CNTN4: variants seen among roughly 807,000 people sequenced by gnomAD.
CNTN4 encodes contactin 4.
A neutral mutation model predicts 122.5 loss-of-function variants in CNTN4; 77 were observed. That is an observed-to-expected ratio of 0.63 (90% confidence interval 0.52 to 0.76). The LOEUF is 0.76. CNTN4 is among the 30% of genes least tolerant of loss of function. The probability of loss-of-function intolerance (pLI) is 0.00; values close to 1 mark genes in which losing one functional copy is unlikely to be tolerated. For missense variants in CNTN4, 1,256 were observed against 1,259.1 expected, an observed-to-expected ratio of 1.00 and a Z score of 0.04; for synonymous variants, 512 against 447.0, an observed-to-expected ratio of 1.15 and a Z score of -1.83.
chr3:2,252,108 C>G (rs2040401516), intron 2 of CNTN4, among the ~76,000 whole-genome samples: 1 of 151,868 alleles, frequency 6.6e-6, no homozygotes, highest in Non-Finnish European at 1.5e-5. Flanking sequence ...CAGGATATTG[C>G]CAGATACGCA....
chr3:2,529,293 T>C (rs2077511665), intron 3 of CNTN4, among the ~76,000 whole-genome samples: 1 of 152,164 alleles, frequency 6.6e-6, no homozygotes. Context: ...ATTACTATTT[T>C]TTATGGCTGA....
intron 13 of CNTN4, among the ~76,000 whole-genome samples, chr3:2,972,812 C>G (rs2125114305): frequency 6.6e-6 from 1 of 150,856 alleles, no homozygotes; most frequent in South Asian, 2.1e-4. Flanking sequence ...TCCTTAAACC[C>G]CTCCCCTTCA....
At chr3:2,506,955 G>A (rs763476019) in intron 3 of CNTN4, among the ~76,000 whole-genome samples, 2 of 151,960 alleles carry the variant, frequency 1.3e-5, no homozygotes, top group African/African-American at 4.8e-5. Context: ...GCTCATGTTC[G>A]GTTTTGCATT....
chr3:2,460,681 G>C (rs925454889), intron 3 of CNTN4, among the ~76,000 whole-genome samples: 2 of 152,132 alleles, frequency 1.3e-5, no homozygotes, highest in African/African-American at 4.8e-5. Flanking sequence ...TGGCCTTTAA[G>C]GATTACAGTT....
intron 2 of CNTN4, among the ~76,000 whole-genome samples, chr3:2,153,145 G>T (rs538058630): frequency 9.8e-5 from 15 of 152,288 alleles, no homozygotes; most frequent in African/African-American, 3.1e-4. Flanking sequence ...TTGGATATAG[G>T]AGTCTGGAGT....
rs397988483 is a variant in CNTN4 at position 2,520,259 on chromosome 3, C to CTTT, written c.-88-51128_-88-51126dup. On this transcript the variant is annotated intron_variant, in intron 3 of 24. Coordinates refer to ENST00000418658, the MANE Select transcript of CNTN4 (RefSeq NM_175607.3). ...AAAAAGATAGGTTGGTGATTGCTTC[C>CTTT]TTTTTTTTTTTTTTTTTTTTTTTTT... Among the ~76,000 whole-genome samples, 205 of 74,452 alleles carry CTTT rather than the reference C, an allele frequency of 2.8e-3. 19 individuals carry two copies. Among genetic ancestry groups the CTTT allele is most frequent in the African/African-American group, 6.6e-3 (92 of 13,844 alleles). The allele number at this position is 74,452 out of a possible 152,430, so 48.8% of individuals were successfully genotyped here. A position where few individuals can be genotyped will look rare whatever the true frequency, so the allele number is the denominator to read the frequency against.
At chr3:2,639,371 A>G (rs1469133276) in intron 4 of CNTN4, among the ~76,000 whole-genome samples, 2 of 152,132 alleles carry the variant, frequency 1.3e-5, no homozygotes, top group African/African-American at 4.8e-5. Context: ...CTACTCCCTC[A>G]GATCAGTGCT....
intron 2 of CNTN4, among the ~76,000 whole-genome samples, chr3:2,125,689 C>G (rs921578704): frequency 2.0e-5 from 3 of 151,694 alleles, no homozygotes; most frequent in Non-Finnish European, 2.9e-5. Flanking sequence ...TCCTGAGTAG[C>G]TGGGACTACA....
intron 3 of CNTN4, among the ~76,000 whole-genome samples, chr3:2,358,899 G>C (rs1374425817): frequency 6.6e-6 from 1 of 152,152 alleles, no homozygotes; most frequent in Admixed American, 6.6e-5. Flanking sequence ...GTCCGGTGCA[G>C]GCTGTGTATG....
intron 3 of CNTN4, among the ~76,000 whole-genome samples, chr3:2,419,508 T>G (rs956671332): frequency 1.3e-5 from 2 of 152,174 alleles, no homozygotes; most frequent in Non-Finnish European, 2.9e-5. Context: ...TTTCAAAAAA[T>G]GCTGGCATTT....
intron 3 of CNTN4, among the ~76,000 whole-genome samples, chr3:2,530,416 C>G (rs2077554361): frequency 6.7e-6 from 1 of 149,264 alleles, no homozygotes; most frequent in Admixed American, 6.8e-5. Context: ...TCAAGCGATT[C>G]TCGTGCCTTA....
At chr3:2,112,164 G>T (rs1488256065) in intron 2 of CNTN4, among the ~76,000 whole-genome samples, 1 of 152,070 alleles carries the variant, frequency 6.6e-6, no homozygotes, top group Non-Finnish European at 1.5e-5. Flanking sequence ...TTATTAGAAA[G>T]AATGAATTAC....
At chr3:2,970,984 A>G (rs1276538495) in intron 13 of CNTN4, among the ~76,000 whole-genome samples, 1 of 151,554 alleles carries the variant, frequency 6.6e-6, no homozygotes, top group East Asian at 1.9e-4. Context: ...ACAGGGTTTC[A>G]CCATGTTAGC....
At chr3:2,396,969 G>C (rs867536240) in intron 3 of CNTN4, among the ~76,000 whole-genome samples, 1 of 152,160 alleles carries the variant, frequency 6.6e-6, no homozygotes, top group Non-Finnish European at 1.5e-5. Flanking sequence ...GGATATTTTT[G>C]TGTGTGACGA....
chr3:2,673,253 G>A (rs1041837982), intron 4 of CNTN4, among the ~76,000 whole-genome samples: 5 of 152,034 alleles, frequency 3.3e-5, no homozygotes, highest in African/African-American at 1.2e-4. Flanking sequence ...GGTATAAAAG[G>A]GAGTGCTTTT....
Position 2,180,058 on chromosome 3 carries a change from AATT to A in CNTN4, c.-145+79421_-145+79423del, listed in dbSNP as rs1181065945. 1.6e-3 allele frequency among the ~76,000 whole-genome samples: 246 copies of A among 152,072 alleles called. 1 individual carries two copies. Among genetic ancestry groups the A allele is most frequent in the African/African-American group, 5.8e-3 (240 of 41,528 alleles). On this transcript the variant is annotated intron_variant, in intron 2 of 24. Transcript: ENST00000418658. ...AGCCATAGGTAGCTTATGGCTGCTG[AATT>A]AGATGGTGCATATATGTTGATTGTA... is the stretch of plus-strand genomic sequence containing the variant.
At chr3:2,237,977 CTG>C (rs1331264469) in intron 2 of CNTN4, among the ~76,000 whole-genome samples, 1 of 152,002 alleles carries the variant, frequency 6.6e-6, no homozygotes, top group African/African-American at 2.4e-5. Flanking sequence ...ATCAGGTCCT[CTG>C]TAAATCCAGT....
Position 2,915,883 on chromosome 3 carries a change from A to G in CNTN4, c.1208-9746A>G, listed in dbSNP as rs532041190. ...TATTATTTCTGTTATGTATTACAAC[A>G]TGAATGAACCTTGAGGACATTATGC... On this transcript the variant is annotated intron_variant, in intron 12 of 24. Coordinates refer to ENST00000418658, the MANE Select transcript of CNTN4 (RefSeq NM_175607.3). Among the ~76,000 whole-genome samples, 5 of 152,360 alleles carry G rather than the reference A, an allele frequency of 3.3e-5. No homozygotes were observed. The South Asian group carries it at 1.0e-3, about 32-fold the overall frequency.
At chr3:2,556,504 G>A (rs1245329212) in intron 3 of CNTN4, among the ~76,000 whole-genome samples, 1 of 152,102 alleles carries the variant, frequency 6.6e-6, no homozygotes, top group Non-Finnish European at 1.5e-5. Context: ...AAAAGGATGT[G>A]CAGTAGGTTT....
Sources: gnomAD v4.1 joint callset for allele counts (sites outside exome capture counted in the v4.1 genomes callset) on GRCh38, gnomAD v4.1.1 for gene constraint, MANE v1.5 for transcripts, NCBI Gene and HGNC (gene_info 2026-07-23, HGNC 2026-07-21) for gene names.